Variants in EVA1C observed in about 807,000 individuals in gnomAD.
EVA1C encodes protein eva-1 homolog C.
Under a neutral mutation model 45.4 loss-of-function variants are expected in EVA1C, and 25 were observed. That is an observed-to-expected ratio of 0.55 (90% CI 0.40 to 0.77). EVA1C has a LOEUF of 0.77. EVA1C is among the 30% of genes least tolerant of loss of function. The pLI is 0.00. For synonymous variants in EVA1C, 190 were observed against 221.2 expected, an observed-to-expected ratio of 0.86 and a Z score of 1.25; for missense variants, 479 against 554.8, an observed-to-expected ratio of 0.86 and a Z score of 1.37.
intron 1 of EVA1C, among the ~76,000 whole-genome samples, chr21:32,423,070 CAAAAAAA>C (rs3056306): frequency 0.14 from 12,337 of 85,478 alleles, 659 homozygotes; most frequent in Middle Eastern, 0.32. Flanking sequence ...GACTCTGTCT[CAAAAAAA>C]AAAAAAAAAA....
intron 4 of EVA1C, among the ~76,000 whole-genome samples, chr21:32,482,092 C>T (rs551691596): frequency 9.2e-5 from 14 of 152,326 alleles, no homozygotes; most frequent in African/African-American, 3.4e-4. Context: ...GCCTTTTTAA[C>T]AATCACATCA....
intron 6 of EVA1C, among the ~76,000 whole-genome samples, chr21:32,503,193 T>C (rs1458265353): frequency 6.6e-6 from 1 of 152,214 alleles, no homozygotes; most frequent in Non-Finnish European, 1.5e-5. Flanking sequence ...AACCTCCCTC[T>C]GTAATGGAGG....
intron 1 of EVA1C, among the ~76,000 whole-genome samples, chr21:32,450,304 G>C (rs1419778024): frequency 6.6e-6 from 1 of 151,954 alleles, no homozygotes; most frequent in Non-Finnish European, 1.5e-5. Context: ...ACAGTCTGTG[G>C]AGCAGGCAGC....
Position 32,421,749 on chromosome 21 carries a change from A to G in EVA1C, c.160+8736A>G, listed in dbSNP as rs566785305. Reference sequence around the variant, plus strand: ...AATGACACGGTTCTTAAGTAATAAAAGAGAGAATCTAGGTCTGGGCATGGT... The same window carrying G: ...AATGACACGGTTCTTAAGTAATAAAGGAGAGAATCTAGGTCTGGGCATGGT... On this transcript the variant is annotated intron_variant, in intron 1 of 7. Coordinates refer to ENST00000300255, the MANE Select transcript of EVA1C (RefSeq NM_058187.5). Among the ~76,000 whole-genome samples, 15 of 152,360 alleles carry G rather than the reference A, an allele frequency of 9.8e-5. No homozygotes were observed. In the South Asian group the frequency reaches 1.2e-3, roughly 13 times the overall value.
At chr21:32,482,854 C>CTTTTT (rs774611494) in intron 4 of EVA1C, among the ~76,000 whole-genome samples, 4 of 60,966 alleles carry the variant, frequency 6.6e-5, no homozygotes, top group East Asian at 1.1e-3. Context: ...GTGTTATTCC[C>CTTTTT]TTTTTTTTTT....
intron 6 of EVA1C, 50 bp from the exon 7 acceptor site, chr21:32,503,876 C>T (rs141022281): frequency 1.1e-5 from 15 of 1,313,848 alleles, no homozygotes; most frequent in Non-Finnish European, 1.3e-5. Flanking sequence ...TTAGAATAGG[C>T]GTACTATGAA....
At chr21:32,428,056 A>T (rs545201877) in intron 1 of EVA1C, among the ~76,000 whole-genome samples, 70 of 152,128 alleles carry the variant, frequency 4.6e-4, no homozygotes, top group African/African-American at 1.7e-3. Context: ...ATATATTTTT[A>T]AAAAAGAACT....
At chr21:32,440,869 G>A (rs1343577382) in intron 1 of EVA1C, among the ~76,000 whole-genome samples, 2 of 152,192 alleles carry the variant, frequency 1.3e-5, no homozygotes, top group Admixed American at 6.5e-5. Context: ...GGGAGGCCGA[G>A]GCGGGCAGAT....
At position 32,493,074 on chromosome 21, in the gene EVA1C, A is replaced by T. The variant is rs73353089; in HGVS notation, c.635-1953A>T. On this transcript the variant is annotated intron_variant, in intron 4 of 7. Transcript: ENST00000300255. Reference sequence around the variant, plus strand: ...ACAGTGGGCCAGGTGTGGGAACTAGATGATGACCAAAACAAACATAGTTTC... The same window carrying T: ...ACAGTGGGCCAGGTGTGGGAACTAGTTGATGACCAAAACAAACATAGTTTC... 2.9e-3 allele frequency among the ~76,000 whole-genome samples: 444 copies of T among 152,312 alleles called. 2 individuals are homozygous for T. Among genetic ancestry groups the T allele is most frequent in the African/African-American group, 1.0e-2 (414 of 41,558 alleles).
At chr21:32,512,340 C>T (rs1447459218) in intron 7 of EVA1C, among the ~76,000 whole-genome samples, 1 of 152,164 alleles carries the variant, frequency 6.6e-6, no homozygotes, top group Non-Finnish European at 1.5e-5. Context: ...TAATTTAATT[C>T]AGTCCACCAG....
At chr21:32,510,873 AAAAAATAT>A (rs1473494664) in intron 7 of EVA1C, among the ~76,000 whole-genome samples, 2 of 152,080 alleles carry the variant, frequency 1.3e-5, no homozygotes, top group Admixed American at 6.6e-5. Flanking sequence ...CATCTTTACA[AAAAAATAT>A]AATAAAAAGT....
At chr21:32,467,338 C>T (rs1454963839) in intron 3 of EVA1C, among the ~76,000 whole-genome samples, 1 of 152,062 alleles carries the variant, frequency 6.6e-6, no homozygotes. Context: ...AGAAAAGGCC[C>T]CCTTCAGTGA....
At chr21:32,468,398 AC>A (rs1332002467) in intron 4 of EVA1C, among the ~76,000 whole-genome samples, 2 of 150,866 alleles carry the variant, frequency 1.3e-5, no homozygotes, top group Admixed American at 6.6e-5. Context: ...AAACAAAAAA[AC>A]AAAACAAACA....
chr21:32,467,905 A>AAT (rs34623485), intron 4 of EVA1C, 57 bp downstream of exon 4: 219,619 of 1,015,002 alleles, frequency 0.22, 21,016 homozygotes, highest in Admixed American at 0.27. Flanking sequence ...GAATTAATAG[A>AAT]ATATATATAT....
intron 1 of EVA1C, among the ~76,000 whole-genome samples, chr21:32,416,186 G>A (rs1347736803): frequency 6.6e-6 from 1 of 151,756 alleles, no homozygotes; most frequent in East Asian, 1.9e-4. Flanking sequence ...GTTTGTGATG[G>A]TCCCTCAGTA....
intron 1 of EVA1C, among the ~76,000 whole-genome samples, chr21:32,438,142 A>G (rs2035033325): frequency 6.6e-6 from 1 of 152,174 alleles, no homozygotes; most frequent in Admixed American, 6.5e-5. Context: ...AACTTGATGC[A>G]TTCATGCAGG....
At chr21:32,491,441 CACTTTGGG>C (rs2037151411) in intron 4 of EVA1C, among the ~76,000 whole-genome samples, 1 of 151,874 alleles carries the variant, frequency 6.6e-6, no homozygotes, top group Non-Finnish European at 1.5e-5. Flanking sequence ...GTAATCCCAG[CACTTTGGG>C]CGGCCGAGGC....
intron 1 of EVA1C, among the ~76,000 whole-genome samples, chr21:32,444,053 A>AACACACACAC (rs60086580): frequency 2.8e-4 from 39 of 140,042 alleles, no homozygotes; most frequent in East Asian, 8.1e-4. Flanking sequence ...ATTGTGTGAA[A>AACACACACAC]ACACACACAC....
rs554413928 is a variant in EVA1C at position 32,473,556 on chromosome 21, T to C, written c.634+5708T>C. On this transcript the variant is annotated intron_variant, in intron 4 of 7. Coordinates refer to ENST00000300255, the MANE Select transcript of EVA1C (RefSeq NM_058187.5). ...AGAGCATTTGCCGTCTGCAGAGAAT[T>C]TGCAGACAGTCCCAGGGCGGTCCCA... is the stretch of plus-strand genomic sequence containing the variant. 7.2e-5 allele frequency among the ~76,000 whole-genome samples: 11 copies of C among 152,328 alleles called. No homozygotes were observed. The East Asian group carries it at 1.9e-3, about 27-fold the overall frequency.
Sources: allele counts gnomAD v4.1 joint callset (sites outside exome capture counted in the v4.1 genomes callset), GRCh38; gene constraint gnomAD v4.1.1; transcripts MANE v1.5; gene names NCBI Gene and HGNC (gene_info 2026-07-23, HGNC 2026-07-21).